The following ZNF546 variants were observed in gnomAD, a reference collection of about 807,000 sequenced individuals.
The protein encoded by ZNF546 is zinc finger protein 546.
ZNF546 carries 60 observed loss-of-function variants against 76.2 expected under a neutral mutation model. The observed-to-expected ratio is 0.79, with a 90% CI of 0.64 to 0.98. The LOEUF is 0.98. Among genes scored for constraint, ZNF546 ranks in the 50% least tolerant of loss-of-function variants. The probability of loss-of-function intolerance (pLI) is 0.00; values close to 1 mark genes in which losing one functional copy is unlikely to be tolerated. For missense variants in ZNF546, 936 were observed against 1,035.6 expected, an observed-to-expected ratio of 0.90 and a Z score of 1.32; for synonymous variants, 277 against 328.1, an observed-to-expected ratio of 0.84 and a Z score of 1.68.
At chr19:40,010,128 A>G (rs1446259342) in intron 6 of ZNF546, among the ~76,000 whole-genome samples, 1 of 152,110 alleles carries the variant, frequency 6.6e-6, no homozygotes, top group Non-Finnish European at 1.5e-5. Context: ...ATCAGCCAGT[A>G]GCAGTGGCTT....
At position 40,013,996 on chromosome 19, in the gene ZNF546, G is replaced by A; in HGVS notation, c.726G>A (p.Glu242=). The change falls in exon 7 of 7, where the codon GAG becomes GAA. Residue 242 remains glutamate (E), a synonymous_variant. Transcript: ENST00000347077. ...LIQHLRIHTG[E]RPYKCMECGK... ...AACATCTGAGAATTCACACTGGTGA[G>A]AGACCCTATAAATGTATGGAATGTG... 6.2e-7 allele frequency: 1 copy of A among 1,613,104 alleles called. No homozygotes were observed. The highest frequency in any genetic ancestry group is 8.5e-7 in the Non-Finnish European group (1 of 1,179,394).
At chr19:40,009,899 C>A (rs1206374997) in intron 6 of ZNF546, among the ~76,000 whole-genome samples, 1 of 151,856 alleles carries the variant, frequency 6.6e-6, no homozygotes, top group African/African-American at 2.4e-5. Context: ...GGATGTACCA[C>A]AATTTACTTA....
In ZNF546 at chr19:40,020,257, G is replaced by A. The variant is rs1971837451; in HGVS notation, c.*4476G>A. Reference sequence around the variant, plus strand: ...CAACCAAAATGTCTGTGATCTCATGGATCCATTATGATTTGCAACTCCAGG... The same window carrying A: ...CAACCAAAATGTCTGTGATCTCATGAATCCATTATGATTTGCAACTCCAGG... On this transcript the variant is annotated 3_prime_UTR_variant, in exon 7 of 7. Coordinates refer to ENST00000347077, the MANE Select transcript of ZNF546 (RefSeq NM_178544.5). 6.6e-6 allele frequency: 1 copy of A among 152,088 alleles called. No homozygotes were observed. The highest frequency in any genetic ancestry group is 2.4e-5 in the African/African-American group (1 of 41,416). 9.4% of individuals were successfully genotyped at this position (152,088 alleles called of 1,614,324 possible).
intron 6 of ZNF546, among the ~76,000 whole-genome samples, chr19:40,010,032 ACTGT>A (rs1971652754): frequency 6.6e-6 from 1 of 152,150 alleles, no homozygotes; most frequent in Non-Finnish European, 1.5e-5. Flanking sequence ...ATCTTGGGTA[ACTGT>A]CTGGGGTAGA....
Position 40,014,070 on chromosome 19 carries a change from ATGC to A in ZNF546, c.803_805del (p.Ala268del), listed in dbSNP as rs1387974106. ...GACCTTAGAGTACATCACACAATCC[ATGC>A]TGGGGAGAGACCCTATGAATGTAAA... On this transcript the variant is annotated inframe_deletion, in exon 7 of 7. Coordinates refer to ENST00000347077, the MANE Select transcript of ZNF546 (RefSeq NM_178544.5). 1 of 1,613,216 alleles carries A rather than the reference ATGC, an allele frequency of 6.2e-7. No homozygotes were observed. Among genetic ancestry groups the A allele is most frequent in the African/African-American group, 1.3e-5 (1 of 74,904 alleles).
At chr19:39,998,984 G>A (rs1164337244) in intron 3 of ZNF546, among the ~76,000 whole-genome samples, 1 of 152,078 alleles carries the variant, frequency 6.6e-6, no homozygotes, top group South Asian at 2.1e-4. Context: ...CGTTGGCCAC[G>A]CTGGTCTGGA....
chr19:40,007,871 C>T (rs1259101900), intron 5 of ZNF546, among the ~76,000 whole-genome samples: 1 of 152,156 alleles, frequency 6.6e-6, no homozygotes, highest in Non-Finnish European at 1.5e-5. Flanking sequence ...ACATATTCTC[C>T]TTAACCTGCT....
rs751945960 is a variant in ZNF546, at chr19:40,014,471, G to T, written c.1201G>T (p.Val401Phe). The change falls in exon 7 of 7, where the codon GTT becomes TTT. Residue 401 changes from valine to phenylalanine, a missense_variant. Val to Phe is a conservative substitution (Grantham distance 50). Coordinates refer to ENST00000347077, the MANE Select transcript of ZNF546 (RefSeq NM_178544.5). Reference sequence around the variant, plus strand: ...GGCCTTTAGTCATGGCTCATACCTTGTTCAACATCAGAAAATTCATACTGG... The same window carrying T: ...GGCCTTTAGTCATGGCTCATACCTTTTTCAACATCAGAAAATTCATACTGG... ...GKAFSHGSYL[V>F]QHQKIHTGEK... 1 of 1,611,362 alleles carries T rather than the reference G, an allele frequency of 6.2e-7. No homozygotes were observed. The highest frequency in any genetic ancestry group is 8.5e-7 in the Non-Finnish European group (1 of 1,179,132).
intron 6 of ZNF546, among the ~76,000 whole-genome samples, chr19:40,012,084 C>A (rs234309): frequency 0.16 from 24,875 of 152,074 alleles, 4,612 homozygotes; most frequent in African/African-American, 0.45. Context: ...CAGTGTAATT[C>A]TTGACTAGCA....
chr19:40,001,519 A>T (rs1971529688), intron 3 of ZNF546, among the ~76,000 whole-genome samples: 1 of 151,926 alleles, frequency 6.6e-6, no homozygotes, highest in Non-Finnish European at 1.5e-5. Flanking sequence ...CCACTACCAC[A>T]CCTGGCTAAT....
chr19:40,013,764 C>T lies in ZNF546; in HGVS notation c.494C>T (p.Thr165Ile), dbSNP rs770970012. 2 of 1,610,634 alleles carry T rather than the reference C, an allele frequency of 1.2e-6. No individual in the cohort carries two copies. Among genetic ancestry groups the T allele is most frequent in the African/African-American group, 1.3e-5 (1 of 74,140 alleles). Residue 165 changes from threonine to isoleucine, a missense_variant, in exon 7 of 7, where the codon ACC becomes ATC. Transcript: ENST00000347077. ...QLQTGEKSKN[T>I]IHEDTIFRNG... ...CAGACAGGGGAAAAAAGTAAAAACA[C>T]CATCCATGAGGACACCATTTTCAGA...
At chr19:40,002,126 A>C (rs2144637662) in intron 3 of ZNF546, among the ~76,000 whole-genome samples, 1 of 152,352 alleles carries the variant, frequency 6.6e-6, no homozygotes, top group Middle Eastern at 3.4e-3. Flanking sequence ...TGCCTGTATC[A>C]GTCAGTAACT....
At chr19:40,008,626 G>T (rs1971636076) in intron 6 of ZNF546, 61 bp downstream of exon 6, 1 of 1,373,476 alleles carries the variant, frequency 7.3e-7, no homozygotes, top group African/African-American at 1.4e-5. Context: ...TGATGTCAGG[G>T]AGGAGGCACA....
At position 40,020,090 on chromosome 19, in the gene ZNF546, A is replaced by G. The variant is rs1174667967; in HGVS notation, c.*4309A>G. 6.6e-6 allele frequency: 1 copy of G among 152,204 alleles called. No individual in the cohort carries two copies. Among genetic ancestry groups the G allele is most frequent in the Non-Finnish European group, 1.5e-5 (1 of 68,018 alleles). The allele number at this position is 152,204 out of a possible 1,614,324, so 9.4% of individuals were successfully genotyped here. On this transcript the variant is annotated 3_prime_UTR_variant, in exon 7 of 7. Transcript: ENST00000347077. ...GTAAGAATACAAAAGCATCTGCACC[A>G]AAATATATAGATTTAATGGCATGTA...
chr19:40,004,672 TTCTC>T lies in ZNF546; in HGVS notation c.85-1417_85-1414del, dbSNP rs552764237. 7.0e-3 allele frequency among the ~76,000 whole-genome samples: 1,070 copies of T among 152,270 alleles called. 5 individuals carry two copies. The highest frequency in any genetic ancestry group is 0.012 in the Non-Finnish European group (816 of 68,020). On this transcript the variant is annotated intron_variant, in intron 3 of 6. Transcript: ENST00000347077. ...TAGATATATACATTTTTAAACTTTT[TTCTC>T]TCTCTCAGTTTCTGCCTGTCCTTCG... is the stretch of plus-strand genomic sequence containing the variant.
intron 5 of ZNF546, 39 bp from the exon 6 acceptor site, chr19:40,008,431 T>C: frequency 6.7e-7 from 1 of 1,500,376 alleles, no homozygotes; most frequent in Non-Finnish European, 9.1e-7. Flanking sequence ...TGTTTTTGTT[T>C]TTTTCTATAA....
chr19:40,010,402 GAAA>G (rs552930374), intron 6 of ZNF546, among the ~76,000 whole-genome samples: 1 of 112,940 alleles, frequency 8.9e-6, no homozygotes, highest in Non-Finnish European at 1.9e-5. Flanking sequence ...GATAATGTCT[GAAA>G]AAAAAAAAAA....
chr19:40,000,603 G>A (rs1440488569), intron 3 of ZNF546, among the ~76,000 whole-genome samples: 4 of 136,832 alleles, frequency 2.9e-5, no homozygotes, highest in Non-Finnish European at 6.1e-5. Flanking sequence ...GCGACAGAGT[G>A]AGACTCTGTC....
At position 40,016,482 on chromosome 19, in the gene ZNF546, T is replaced by A. The variant is rs973823182; in HGVS notation, c.*701T>A. The A allele has an allele frequency of 1.3e-5, 2 of 152,182 alleles. No individual in the cohort carries two copies. The highest frequency in any genetic ancestry group is 2.9e-5 in the Non-Finnish European group (2 of 68,072). The allele number at this position is 152,182 out of a possible 1,614,324, so 9.4% of individuals were successfully genotyped here. ...TTGCAGTGAGCTGAGATCGCACCAC[T>A]GCACTCTAGCTTGGGCAACAGAGCA... On this transcript the variant is annotated 3_prime_UTR_variant, in exon 7 of 7. Transcript: ENST00000347077.
Sources: allele counts gnomAD v4.1 joint callset (sites outside exome capture counted in the v4.1 genomes callset), GRCh38; gene constraint gnomAD v4.1.1; transcripts MANE v1.5; gene names NCBI Gene and HGNC (gene_info 2026-07-23, HGNC 2026-07-21).